IGSF10: variants seen among roughly 807,000 people sequenced by gnomAD.
IGSF10 encodes the protein calvaria mechanical force protein 608.
A neutral mutation model predicts 128.2 loss-of-function variants in IGSF10; 126 were observed. The ratio of observed to expected loss-of-function variants is 0.98; its 90% CI spans 0.85 to 1.14. The LOEUF is 1.14. Among genes scored for constraint, IGSF10 ranks in the 50% most tolerant of loss-of-function variants. IGSF10 has a pLI of 0.00. For missense variants in IGSF10, 3,295 were observed against 3,149.8 expected, an observed-to-expected ratio of 1.05 and a Z score of -1.10; for synonymous variants, 1,185 against 1,146.2, an observed-to-expected ratio of 1.03 and a Z score of -0.68.
the IGSF10 span, among the ~76,000 whole-genome samples, chr3:151,585,094 T>C: frequency 6.6e-6 from 1 of 152,194 alleles, no homozygotes; most frequent in African/African-American, 2.4e-5. Context: ...TCCAATATGA[T>C]AGCCGCTAGC....
At chr3:151,547,949 T>C in the IGSF10 span, among the ~76,000 whole-genome samples, 2 of 152,210 alleles carry the variant, frequency 1.3e-5, no homozygotes, top group African/African-American at 4.8e-5. Context: ...ATGTTTGTGG[T>C]GTGGAAGATT....
At chr3:151,486,156 CA>C in the IGSF10 span, among the ~76,000 whole-genome samples, 89 of 151,982 alleles carry the variant, frequency 5.9e-4, no homozygotes, top group African/African-American at 2.1e-3. Flanking sequence ...AAAACAAAAA[CA>C]GGGGTTGCAA....
chr3:151,508,098 G>T, the IGSF10 span, among the ~76,000 whole-genome samples: 2 of 151,868 alleles, frequency 1.3e-5, no homozygotes, highest in Admixed American at 6.6e-5. Flanking sequence ...TACTAGATAC[G>T]AGAGAAGCAA....
chr3:151,576,405 G>C, the IGSF10 span, among the ~76,000 whole-genome samples: 2 of 151,726 alleles, frequency 1.3e-5, no homozygotes, highest in Admixed American at 6.6e-5. Context: ...TCATCTTTCT[G>C]AGTCTCCTTG....
chr3:151,563,704 T>TA, the IGSF10 span, among the ~76,000 whole-genome samples: 2 of 151,878 alleles, frequency 1.3e-5, no homozygotes, highest in Non-Finnish European at 2.9e-5. Flanking sequence ...TTGCAGCGTT[T>TA]AAAAAAAATA....
the IGSF10 span, among the ~76,000 whole-genome samples, chr3:151,527,516 A>AC: frequency 6.6e-6 from 1 of 152,200 alleles, no homozygotes; most frequent in Non-Finnish European, 1.5e-5. Flanking sequence ...CTTACATGTT[A>AC]CCCGCCCAAT....
chr3:151,507,886 G>A, the IGSF10 span, among the ~76,000 whole-genome samples: 1 of 151,934 alleles, frequency 6.6e-6, no homozygotes, highest in Non-Finnish European at 1.5e-5. Flanking sequence ...ATGGTATAAA[G>A]AAAGCTGTCA....
upstream of IGSF10, among the ~76,000 whole-genome samples, chr3:151,464,045 T>C (rs2108588557): frequency 6.6e-6 from 1 of 152,342 alleles, no homozygotes; most frequent in South Asian, 2.1e-4. Context: ...ATAATGACTT[T>C]ATTTTGTAAT....
chr3:151,535,158 T>C, the IGSF10 span, among the ~76,000 whole-genome samples: 2 of 152,058 alleles, frequency 1.3e-5, no homozygotes, highest in Non-Finnish European at 2.9e-5. Flanking sequence ...GCAAAAACAA[T>C]AACTATTAAA....
At chr3:151,496,640 C>G in the IGSF10 span, among the ~76,000 whole-genome samples, 1 of 148,150 alleles carries the variant, frequency 6.7e-6, no homozygotes, top group South Asian at 2.2e-4. Flanking sequence ...AATAAACATA[C>G]ATGTGCATGT....
intron 7 of IGSF10, among the ~76,000 whole-genome samples, chr3:151,441,877 T>C (rs62284460): frequency 0.019 from 2,902 of 152,172 alleles, 30 homozygotes; most frequent in East Asian, 0.056. Flanking sequence ...CTGGCTAACA[T>C]GGTGAAACTC....
At chr3:151,537,029 G>A in the IGSF10 span, among the ~76,000 whole-genome samples, 46 of 152,174 alleles carry the variant, frequency 3.0e-4, no homozygotes, top group East Asian at 5.0e-3. Context: ...TTCTTTATTC[G>A]AGCATTTATT....
the IGSF10 span, among the ~76,000 whole-genome samples, chr3:151,501,093 C>T: frequency 8.0e-3 from 1,210 of 152,056 alleles, 13 homozygotes; most frequent in South Asian, 7.9e-3. Flanking sequence ...GTAACAAAAG[C>T]CTGCTTGATT....
chr3:151,560,570 G>A, the IGSF10 span, among the ~76,000 whole-genome samples: 4 of 152,116 alleles, frequency 2.6e-5, no homozygotes, highest in Non-Finnish European at 4.4e-5. Context: ...CCCCTATAAC[G>A]TCTTAGGCAA....
the IGSF10 span, among the ~76,000 whole-genome samples, chr3:151,513,782 A>G: frequency 5.3e-5 from 8 of 152,238 alleles, no homozygotes; most frequent in Admixed American, 6.5e-5. Flanking sequence ...GTCTCAGGAT[A>G]CAAAATCAAT....
rs1435459417 is a variant in IGSF10 at position 151,446,509 on chromosome 3, C to T, written c.3472G>A (p.Val1158Ile). Residue 1158 changes from valine to isoleucine, a missense_variant, in exon 6 of 8, where the codon GTA (valine) becomes ATA (isoleucine). Val to Ile is a conservative substitution (Grantham distance 29, BLOSUM62 3). Transcript: ENST00000282466. ...GACACACGTGGGTAACTGGCGTTTA[C>T]TTTGTGAGTTTTTTCCATGGGTATG... Reference protein sequence around the residue: ...TSIPMEKTHKVNASYPRVSST... With the variant: ...TSIPMEKTHKINASYPRVSST... 6.2e-7 allele frequency: 1 copy of T among 1,614,112 alleles called. No homozygotes were observed.
At chr3:151,510,589 C>A in the IGSF10 span, among the ~76,000 whole-genome samples, 1 of 152,130 alleles carries the variant, frequency 6.6e-6, no homozygotes, top group Admixed American at 6.5e-5. Context: ...AGCTCCTCAC[C>A]AGCAATGGAA....
At chr3:151,571,927 T>C in the IGSF10 span, among the ~76,000 whole-genome samples, 4 of 152,234 alleles carry the variant, frequency 2.6e-5, no homozygotes, top group Admixed American at 6.5e-5. Flanking sequence ...GTTTTTAGCA[T>C]GAAGGGCTGT....
Position 151,443,406 on chromosome 3 carries a change from T to G in IGSF10, c.5541A>C (p.Gln1847His), listed in dbSNP as rs763771587. The G allele has an allele frequency of 6.2e-7, 1 of 1,614,234 alleles. No individual in the cohort carries two copies. The highest frequency in any genetic ancestry group is 1.1e-5 in the South Asian group (1 of 91,086). The change falls in exon 7 of 8, where the codon CAA (glutamine) becomes CAC (histidine). Residue 1847 changes from glutamine to histidine, a missense_variant. Gln to His is a conservative substitution (Grantham distance 24, BLOSUM62 0). Coordinates refer to ENST00000282466, the MANE Select transcript of IGSF10 (RefSeq NM_178822.5). ...VIAAPPVILEQRRQVIVGTWG... is the reference protein window; with the variant it reads ...VIAAPPVILEHRRQVIVGTWG... The stretch of plus-strand genomic sequence containing the variant: ...AAGTGCCTACAATGACTTGCCTCCT[T>G]TGCTCTAGAATAACAGGTGGTGCTG...
Sources: gnomAD v4.1 joint callset for allele counts (sites outside exome capture counted in the v4.1 genomes callset) on GRCh38, gnomAD v4.1.1 for gene constraint, MANE v1.5 for transcripts, NCBI Gene and HGNC (gene_info 2026-07-23, HGNC 2026-07-21) for gene names.